KCNAB1: variants seen among roughly 807,000 people sequenced by gnomAD.
KCNAB1 encodes the protein voltage-gated potassium channel subunit beta-1.
KCNAB1 carries 35 observed loss-of-function variants against 64.6 expected under a neutral mutation model. The ratio of observed to expected loss-of-function variants is 0.54; its 90% CI spans 0.41 to 0.72. KCNAB1 has a LOEUF of 0.72. Among genes scored for constraint, KCNAB1 ranks in the 30% least tolerant of loss-of-function variants. The pLI is 0.00. For missense variants in KCNAB1, 401 were observed against 512.9 expected (o/e 0.78, Z 2.11); for synonymous variants, 177 against 183.8 (o/e 0.96, Z 0.30).
intron 2 of KCNAB1, among the ~76,000 whole-genome samples, chr3:156,439,224 A>ATTTTTTT (rs56259743): frequency 1.3e-4 from 15 of 115,090 alleles, no homozygotes; most frequent in East Asian, 2.5e-4. Flanking sequence ...CATCATTGTG[A>ATTTTTTT]TTTTTTTTTT....
At chr3:156,265,631 A>G (rs757441269) in intron 1 of KCNAB1, among the ~76,000 whole-genome samples, 64 of 152,204 alleles carry the variant, frequency 4.2e-4, no homozygotes, top group Non-Finnish European at 9.0e-4. Context: ...CTATTTACCC[A>G]TGCTTTCCCC....
At chr3:156,226,082 G>T (rs1385002638) in intron 1 of KCNAB1, among the ~76,000 whole-genome samples, 2 of 151,872 alleles carry the variant, frequency 1.3e-5, no homozygotes, top group African/African-American at 2.4e-5. Flanking sequence ...AATTCATATG[G>T]AACCAAAAAA....
At chr3:156,188,621 A>G (rs920224823) in intron 1 of KCNAB1, among the ~76,000 whole-genome samples, 1 of 152,230 alleles carries the variant, frequency 6.6e-6, no homozygotes, top group Non-Finnish European at 1.5e-5. Context: ...AGACTTTCCT[A>G]TGCTTCTACT....
intron 1 of KCNAB1, among the ~76,000 whole-genome samples, chr3:156,225,904 A>C (rs1716129924): frequency 6.6e-6 from 1 of 152,236 alleles, no homozygotes; most frequent in African/African-American, 2.4e-5. Context: ...GAAAATTACA[A>C]AACACTGCTG....
chr3:156,535,388 A>G (rs1718984284), intron 13 of KCNAB1, among the ~76,000 whole-genome samples: 1 of 152,164 alleles, frequency 6.6e-6, no homozygotes, highest in Admixed American at 6.5e-5. Context: ...CCCTTGTCTT[A>G]TGGTGTAATG....
chr3:156,499,296 C>T (rs1414421527), intron 8 of KCNAB1, among the ~76,000 whole-genome samples: 1 of 152,078 alleles, frequency 6.6e-6, no homozygotes, highest in Non-Finnish European at 1.5e-5. Context: ...TAAAAATAAT[C>T]TTCAAAGGGG....
intron 8 of KCNAB1, among the ~76,000 whole-genome samples, chr3:156,476,136 CT>C (rs67146818): frequency 0.02 from 3,048 of 151,944 alleles, 51 homozygotes; most frequent in South Asian, 0.043. Flanking sequence ...TTATTCAACT[CT>C]TTTTTTTATT....
At chr3:156,465,612 T>C (rs1329800221) in intron 6 of KCNAB1, 31 bp from the exon 7 acceptor site, 1 of 1,603,406 alleles carries the variant, frequency 6.2e-7, no homozygotes, top group Non-Finnish European at 8.5e-7. Context: ...CACACTCTCA[T>C]TCAAAGTTAT....
chr3:156,465,554 G>T, intron 6 of KCNAB1, 89 bp from the exon 7 acceptor site: 2 of 1,149,304 alleles, frequency 1.7e-6, no homozygotes. Flanking sequence ...ATAAGAACAG[G>T]GTGCAAAATT....
At chr3:156,525,540 C>T (rs1395180962) in intron 12 of KCNAB1, among the ~76,000 whole-genome samples, 1 of 152,150 alleles carries the variant, frequency 6.6e-6, no homozygotes, top group Non-Finnish European at 1.5e-5. Context: ...TTTTGAGACG[C>T]AGTCTCGCTC....
intron 1 of KCNAB1, among the ~76,000 whole-genome samples, chr3:156,382,624 T>C (rs959525525): frequency 6.6e-6 from 1 of 152,202 alleles, no homozygotes; most frequent in Non-Finnish European, 1.5e-5. Flanking sequence ...GGGAACCAAG[T>C]AGAGTTGCAT....
intron 1 of KCNAB1, among the ~76,000 whole-genome samples, chr3:156,132,187 C>T (rs1354239942): frequency 6.6e-6 from 1 of 152,206 alleles, no homozygotes; most frequent in South Asian, 2.1e-4. Context: ...CCTTTACTTT[C>T]AATGTTATTC....
At chr3:156,438,624 T>C (rs1244247053) in intron 2 of KCNAB1, among the ~76,000 whole-genome samples, 1 of 152,196 alleles carries the variant, frequency 6.6e-6, no homozygotes, top group African/African-American at 2.4e-5. Flanking sequence ...GAAAGTAGCA[T>C]TTAGTGAGCA....
At chr3:156,221,314 AG>A (rs1715715997) in intron 1 of KCNAB1, among the ~76,000 whole-genome samples, 2 of 152,218 alleles carry the variant, frequency 1.3e-5, no homozygotes, top group Admixed American at 6.5e-5. Context: ...TACCTTAGGC[AG>A]TATGGCCATT....
chr3:156,300,172 G>T (rs997287256), intron 1 of KCNAB1, among the ~76,000 whole-genome samples: 2 of 152,050 alleles, frequency 1.3e-5, no homozygotes, highest in African/African-American at 4.8e-5. Context: ...ATCAGATCTG[G>T]CCTGACTGTT....
At chr3:156,432,809 G>A (rs527322386) in intron 2 of KCNAB1, among the ~76,000 whole-genome samples, 1 of 152,080 alleles carries the variant, frequency 6.6e-6, no homozygotes, top group African/African-American at 2.4e-5. Flanking sequence ...GAAGAATAGA[G>A]GACACAGGAC....
At chr3:156,212,089 C>T (rs1715044219) in intron 1 of KCNAB1, among the ~76,000 whole-genome samples, 1 of 152,106 alleles carries the variant, frequency 6.6e-6, no homozygotes. Flanking sequence ...TGATCCCCCA[C>T]CATGTTAGTT....
chr3:156,287,887 T>A (rs1393918739), intron 1 of KCNAB1, among the ~76,000 whole-genome samples: 1 of 152,188 alleles, frequency 6.6e-6, no homozygotes, highest in East Asian at 1.9e-4. Flanking sequence ...TAATAACTTT[T>A]AGAGGCACCT....
chr3:156,339,364 C>CCA (rs370472437), intron 1 of KCNAB1, among the ~76,000 whole-genome samples: 2 of 151,872 alleles, frequency 1.3e-5, no homozygotes, highest in African/African-American at 4.8e-5. Context: ...ACACCCCCCG[C>CCA]CACACACACA....
Sources: gnomAD v4.1 joint callset for allele counts (sites outside exome capture counted in the v4.1 genomes callset) on GRCh38, gnomAD v4.1.1 for gene constraint, MANE v1.5 for transcripts, NCBI Gene and HGNC (gene_info 2026-07-23, HGNC 2026-07-21) for gene names.